The following ANKS1B variants were observed in gnomAD, a reference collection of about 807,000 sequenced individuals.
ANKS1B encodes ankyrin repeat and sterile alpha motif domain containing 1B.
In ANKS1B, 36 loss-of-function variants were observed where a neutral mutation model predicts 148.3. That is an observed-to-expected ratio of 0.24 (90% CI 0.19 to 0.32). The LOEUF (loss-of-function observed/expected upper bound fraction) is 0.32. Ranked by LOEUF, ANKS1B falls within the 10% of genes least tolerant of loss-of-function variation. The pLI is 1.00. For missense variants in ANKS1B, 1,157 were observed against 1,542.6 expected, an observed-to-expected ratio of 0.75 and a Z score of 4.19; for synonymous variants, 542 against 560.8, an observed-to-expected ratio of 0.97 and a Z score of 0.47.
chr12:99,071,131 G>A (rs1224025763), intron 16 of ANKS1B, among the ~76,000 whole-genome samples: 1 of 152,166 alleles, frequency 6.6e-6, no homozygotes, highest in Non-Finnish European at 1.5e-5. Flanking sequence ...GTTCTGACTT[G>A]TACTATATTA....
chr12:98,834,763 C>T (rs1327321360), intron 17 of ANKS1B, among the ~76,000 whole-genome samples: 1 of 152,190 alleles, frequency 6.6e-6, no homozygotes, highest in African/African-American at 2.4e-5. Flanking sequence ...TGATTACTTG[C>T]AGGCAGCATT....
intron 14 of ANKS1B, among the ~76,000 whole-genome samples, chr12:99,177,346 C>CT (rs561159058): frequency 3.3e-5 from 5 of 152,110 alleles, no homozygotes; most frequent in East Asian, 1.9e-4. Flanking sequence ...ATGACATAAA[C>CT]TTTTTTTTAT....
At chr12:99,149,119 C>T (rs1166638625) in intron 15 of ANKS1B, among the ~76,000 whole-genome samples, 2 of 151,992 alleles carry the variant, frequency 1.3e-5, no homozygotes, top group Non-Finnish European at 2.9e-5. Flanking sequence ...TTTTCTACTT[C>T]ACAAGTTTAA....
chr12:99,451,307 C>T (rs1188431028), intron 10 of ANKS1B, among the ~76,000 whole-genome samples: 1 of 152,066 alleles, frequency 6.6e-6, no homozygotes, highest in Non-Finnish European at 1.5e-5. Flanking sequence ...AATTCATGTG[C>T]AACATTACAG....
rs757097093 is a variant in ANKS1B at position 99,246,440 on chromosome 12, G to C, written c.2181C>G (p.Ile727Met). 6.2e-7 allele frequency: 1 copy of C among 1,613,814 alleles called. No homozygotes were observed. The highest frequency in any genetic ancestry group is 8.5e-7 in the Non-Finnish European group (1 of 1,179,836). Reference sequence around the variant, plus strand: ...AGACACTTTTTGACAAATGCATGTCGATCAAGGCTTTAGGCAATGACCTTA... The same window carrying C: ...AGACACTTTTTGACAAATGCATGTCCATCAAGGCTTTAGGCAATGACCTTA... ...GRIRSLPKAL[I>M]DMHLSKSVSK... The change falls in exon 13 of 27, where the codon ATC becomes ATG. Residue 727 changes from isoleucine to methionine, a missense_variant. This residue lies in a region of ANKS1B where 661 missense variants were observed against 642.1 expected (regional missense o/e 1.03). Transcript: ENST00000683438.
At position 99,408,720 on chromosome 12, in the gene ANKS1B, T is replaced by C. The variant is rs937342425; in HGVS notation, c.1576-8909A>G. Among the ~76,000 whole-genome samples the C allele has an allele frequency of 2.7e-5, 4 of 145,986 alleles. 2 individuals carry two copies. Among genetic ancestry groups the C allele is most frequent in the Non-Finnish European group, 6.1e-5 (4 of 66,006 alleles). On this transcript the variant is annotated intron_variant, in intron 11 of 26. Transcript: ENST00000683438. ...AATAGACATTTCTCAAAAGAAGACA[T>C]ACAAATGGCGAACCGATATGAGAAA... is the stretch of plus-strand genomic sequence containing the variant.
intron 8 of ANKS1B, among the ~76,000 whole-genome samples, chr12:99,692,216 CAGA>C (rs2098683003): frequency 1.3e-5 from 2 of 152,024 alleles, no homozygotes; most frequent in African/African-American, 4.8e-5. Context: ...AGGGGAATAA[CAGA>C]AGAAGGAATG....
intron 14 of ANKS1B, among the ~76,000 whole-genome samples, chr12:99,185,531 C>T (rs966782726): frequency 1.3e-5 from 2 of 152,176 alleles, no homozygotes; most frequent in Non-Finnish European, 2.9e-5. Flanking sequence ...TTCTGCATTT[C>T]TAACTGAGGT....
intron 9 of ANKS1B, among the ~76,000 whole-genome samples, chr12:99,515,083 A>T (rs892120269): frequency 6.6e-6 from 1 of 151,928 alleles, no homozygotes; most frequent in Non-Finnish European, 1.5e-5. Context: ...GGTACATTTG[A>T]TATTTTGATA....
intron 1 of ANKS1B, among the ~76,000 whole-genome samples, chr12:99,921,884 A>T (rs898659125): frequency 2.0e-5 from 3 of 152,130 alleles, no homozygotes; most frequent in Non-Finnish European, 1.5e-5. Flanking sequence ...TTTTACTTCG[A>T]AAGTTTTTAA....
intron 17 of ANKS1B, among the ~76,000 whole-genome samples, chr12:98,980,068 A>T (rs2099906951): frequency 6.6e-6 from 1 of 152,168 alleles, no homozygotes; most frequent in African/African-American, 2.4e-5. Context: ...TTCTTAATCC[A>T]AATAGTCACG....
chr12:99,720,612 C>T (rs78187522), intron 8 of ANKS1B, among the ~76,000 whole-genome samples: 1 of 152,282 alleles, frequency 6.6e-6, no homozygotes, highest in South Asian at 2.1e-4. Context: ...CTGGACAATA[C>T]TTTTACCTCT....
intron 14 of ANKS1B, among the ~76,000 whole-genome samples, chr12:99,196,975 C>T (rs893517906): frequency 6.6e-6 from 1 of 152,152 alleles, no homozygotes; most frequent in African/African-American, 2.4e-5. Context: ...CTTATATCAT[C>T]CTACCTAGCA....
At chr12:99,012,938 A>G (rs1428379335) in intron 17 of ANKS1B, among the ~76,000 whole-genome samples, 2 of 152,218 alleles carry the variant, frequency 1.3e-5, no homozygotes, top group African/African-American at 4.8e-5. Context: ...AGTTTAACTT[A>G]ATGAATTCTT....
At chr12:99,656,539 G>A (rs1241379910) in intron 8 of ANKS1B, among the ~76,000 whole-genome samples, 1 of 151,986 alleles carries the variant, frequency 6.6e-6, no homozygotes, top group African/African-American at 2.4e-5. Flanking sequence ...CAATACAAGA[G>A]TAAGAAAAAT....
chr12:99,098,760 TCC>T (rs563677672), intron 15 of ANKS1B, among the ~76,000 whole-genome samples: 2 of 145,356 alleles, frequency 1.4e-5, no homozygotes, highest in South Asian at 2.3e-4. Context: ...AATTCAGGGT[TCC>T]CCCCCCCACC....
chr12:98,821,996 C>G (rs539961123), intron 19 of ANKS1B, among the ~76,000 whole-genome samples: 2 of 149,392 alleles, frequency 1.3e-5, no homozygotes, highest in Non-Finnish European at 3.0e-5. Flanking sequence ...TGGCTTGAAT[C>G]TCTCCACACG....
intron 10 of ANKS1B, among the ~76,000 whole-genome samples, chr12:99,453,620 T>C (rs2095796184): frequency 6.6e-6 from 1 of 152,206 alleles, no homozygotes; most frequent in South Asian, 2.1e-4. Context: ...CCGGGAAATC[T>C]TGAGTCAGAG....
intron 11 of ANKS1B, among the ~76,000 whole-genome samples, chr12:99,430,164 G>T (rs2095344093): frequency 6.6e-6 from 1 of 151,986 alleles, no homozygotes; most frequent in Non-Finnish European, 1.5e-5. Flanking sequence ...AATCCATGAA[G>T]ATCACTCTGT....
Sources: allele counts gnomAD v4.1 joint callset (sites outside exome capture counted in the v4.1 genomes callset), GRCh38; gene constraint gnomAD v4.1.1; regional missense constraint gnomAD v4.1.1; transcripts MANE v1.5; gene names NCBI Gene and HGNC (gene_info 2026-07-23, HGNC 2026-07-21).